The following CDC73 variants were observed in gnomAD, a reference collection of about 807,000 sequenced individuals.
CDC73 encodes the protein cell division cycle 73, also known as parafibromin.
A neutral mutation model predicts 83.7 loss-of-function variants in CDC73; 21 were observed. The observed-to-expected ratio is 0.25, with a 90% CI of 0.18 to 0.36. The LOEUF (loss-of-function observed/expected upper bound fraction) is 0.36. Ranked by LOEUF, CDC73 falls within the 10% of genes least tolerant of loss-of-function variation. CDC73 has a pLI of 1.00. For synonymous variants in CDC73, 224 were observed against 212.9 expected, an observed-to-expected ratio of 1.05 and a Z score of -0.45; for missense variants, 342 against 653.3, an observed-to-expected ratio of 0.52 and a Z score of 5.19.
chr1:193,230,823 T>G (rs1237297329), intron 13 of CDC73, among the ~76,000 whole-genome samples: 1 of 152,174 alleles, frequency 6.6e-6, no homozygotes, highest in Non-Finnish European at 1.5e-5. Flanking sequence ...AGACTTAACT[T>G]TAGGGAAGAG....
chr1:193,243,341 G>T (rs1039676871), intron 15 of CDC73, among the ~76,000 whole-genome samples: 1 of 151,924 alleles, frequency 6.6e-6, no homozygotes, highest in African/African-American at 2.4e-5. Flanking sequence ...AGTTTGTTTC[G>T]CATCATTGCT....
At position 193,181,160 on chromosome 1, in the gene CDC73, G is replaced by A. The variant is rs751788920; in HGVS notation, c.973-22635G>A. ...GGCTCATTAATAATATATTTGAAAT[G>A]GTAAGAATTTGGATGTCCAGTACCT... is the stretch of plus-strand genomic sequence containing the variant. On this transcript the variant is annotated intron_variant, in intron 10 of 16. Coordinates refer to ENST00000367435, the MANE Select transcript of CDC73 (RefSeq NM_024529.5). The A allele has an allele frequency of 1.7e-5, 28 of 1,613,692 alleles. No homozygotes were observed. The highest frequency in any genetic ancestry group is 3.3e-4 in the Middle Eastern group (2 of 6,084).
At chr1:193,218,605 A>C (rs1677410639) in intron 13 of CDC73, among the ~76,000 whole-genome samples, 1 of 152,212 alleles carries the variant, frequency 6.6e-6, no homozygotes, top group African/African-American at 2.4e-5. Flanking sequence ...CCACAAATAA[A>C]GCTGCCCAGC....
intron 10 of CDC73, among the ~76,000 whole-genome samples, chr1:193,183,866 G>A (rs1157138791): frequency 6.6e-6 from 1 of 151,750 alleles, no homozygotes; most frequent in Non-Finnish European, 1.5e-5. Flanking sequence ...TTTTTTTAAA[G>A]TGTAAATTTG....
At chr1:193,207,996 T>A (rs1019839712) in intron 11 of CDC73, among the ~76,000 whole-genome samples, 1 of 152,196 alleles carries the variant, frequency 6.6e-6, no homozygotes, top group Admixed American at 6.5e-5. Context: ...TGTGTAACAT[T>A]TGGATTTGCC....
At chr1:193,177,714 A>G (rs1461652750) in intron 10 of CDC73, among the ~76,000 whole-genome samples, 1 of 152,168 alleles carries the variant, frequency 6.6e-6, no homozygotes, top group Non-Finnish European at 1.5e-5. Flanking sequence ...TTGTACAATC[A>G]GTAAATAGTT....
At chr1:193,142,728 A>G (rs1355601298) in intron 7 of CDC73, among the ~76,000 whole-genome samples, 1 of 151,820 alleles carries the variant, frequency 6.6e-6, no homozygotes, top group Admixed American at 6.6e-5. Flanking sequence ...ATTGTTGTAC[A>G]CGTACCTTTG....
intron 10 of CDC73, among the ~76,000 whole-genome samples, chr1:193,163,480 G>T (rs116583213): frequency 4.0e-5 from 6 of 151,774 alleles, no homozygotes; most frequent in Admixed American, 3.9e-4. Context: ...ACACTCCAGC[G>T]TGGGCAACAG....
intron 11 of CDC73, among the ~76,000 whole-genome samples, chr1:193,210,566 C>T (rs1257637812): frequency 6.6e-6 from 1 of 152,092 alleles, no homozygotes; most frequent in African/African-American, 2.4e-5. Flanking sequence ...TATTTCTAAG[C>T]ATTAAAAGTT....
intron 15 of CDC73, among the ~76,000 whole-genome samples, chr1:193,238,579 C>T (rs1677803779): frequency 6.6e-6 from 1 of 152,154 alleles, no homozygotes; most frequent in South Asian, 2.1e-4. Context: ...CTGGAATGGA[C>T]CCTTCAATAT....
intron 13 of CDC73, among the ~76,000 whole-genome samples, chr1:193,221,893 C>T (rs1677476773): frequency 6.6e-6 from 1 of 152,082 alleles, no homozygotes; most frequent in African/African-American, 2.4e-5. Context: ...TAATTGAAAC[C>T]TCCTCCACAC....
intron 6 of CDC73, among the ~76,000 whole-genome samples, chr1:193,140,491 C>T (rs976416868): frequency 1.3e-5 from 2 of 152,124 alleles, no homozygotes; most frequent in Admixed American, 6.5e-5. Flanking sequence ...GTCACCTTGT[C>T]GTTTAAGGGA....
chr1:193,144,074 C>T (rs1036071231), intron 7 of CDC73, among the ~76,000 whole-genome samples: 7 of 135,930 alleles, frequency 5.1e-5, no homozygotes, highest in African/African-American at 1.9e-4. Flanking sequence ...TGTGCCATTG[C>T]ACTCTAGCCT....
chr1:193,167,953 C>T (rs760498026), intron 10 of CDC73, among the ~76,000 whole-genome samples: 8 of 152,198 alleles, frequency 5.3e-5, no homozygotes, highest in Non-Finnish European at 1.0e-4. Context: ...CTCTGCCTCC[C>T]GGGTTCAAGC....
intron 11 of CDC73, among the ~76,000 whole-genome samples, chr1:193,208,632 C>A (rs1371471744): frequency 1.3e-5 from 2 of 152,084 alleles, no homozygotes; most frequent in African/African-American, 4.8e-5. Context: ...AAAATAAAAT[C>A]TTTTCACTTT....
chr1:193,177,364 A>AC (rs1676624882), intron 10 of CDC73, among the ~76,000 whole-genome samples: 2 of 144,378 alleles, frequency 1.4e-5, no homozygotes, highest in African/African-American at 5.1e-5. Context: ...AATACAAAAA[A>AC]AAAAAAAAAA....
intron 15 of CDC73, among the ~76,000 whole-genome samples, chr1:193,237,941 A>C (rs1677791573): frequency 6.6e-6 from 1 of 151,950 alleles, no homozygotes; most frequent in African/African-American, 2.4e-5. Context: ...TGGGAAGTTA[A>C]ATAAAAAGGG....
chr1:193,252,825 G>GCCT lies in CDC73; in HGVS notation c.*2114_*2116dup, dbSNP rs1377371400. 1.3e-5 allele frequency: 3 copies of GCCT among 231,846 alleles called. No homozygotes were observed. In the East Asian group the frequency reaches 1.8e-4, roughly 14 times the overall value. The allele number at this position is 231,846 out of a possible 1,614,324, so 14.4% of individuals were successfully genotyped here. ...CCTATATAGCAGTACTTAACACAGT[G>GCCT]CCTTGCACATAGTAGGCATTCAGTA... On this transcript the variant is annotated 3_prime_UTR_variant, in exon 17 of 17. Transcript: ENST00000367435.
At chr1:193,215,653 G>A (rs925186256) in intron 13 of CDC73, among the ~76,000 whole-genome samples, 2 of 147,988 alleles carry the variant, frequency 1.4e-5, no homozygotes, top group Admixed American at 1.3e-4. Flanking sequence ...GCAGTGGTGT[G>A]ATCTCGGCTC....
Sources: allele counts gnomAD v4.1 joint callset (sites outside exome capture counted in the v4.1 genomes callset), GRCh38; gene constraint gnomAD v4.1.1; transcripts MANE v1.5; gene names NCBI Gene and HGNC (gene_info 2026-07-23, HGNC 2026-07-21).